The following KAZN variants were observed in gnomAD, a reference collection of about 807,000 sequenced individuals.
KAZN encodes the protein kazrin, periplakin interacting protein, also known as kazrin.
A neutral mutation model predicts 87.4 loss-of-function variants in KAZN; 40 were observed. The observed-to-expected ratio is 0.46, with a 90% CI of 0.36 to 0.60. The LOEUF (loss-of-function observed/expected upper bound fraction) is 0.60. KAZN is among the 20% of genes least tolerant of loss of function. The pLI is 0.00. For missense variants in KAZN, 898 were observed against 1,073.9 expected (o/e 0.84, Z 2.29); for synonymous variants, 466 against 458.3 (o/e 1.02, Z -0.22).
chr1:14,953,771 T>C (rs1287741147), intron 1 of KAZN, among the ~76,000 whole-genome samples: 1 of 152,160 alleles, frequency 6.6e-6, no homozygotes, highest in African/African-American at 2.4e-5. Flanking sequence ...AAAAGGTGGC[T>C]GCTGTAGCTC....
At chr1:14,824,415 T>TA (rs1047941967) in intron 1 of KAZN, among the ~76,000 whole-genome samples, 9 of 152,226 alleles carry the variant, frequency 5.9e-5, no homozygotes, top group Admixed American at 5.9e-4. Context: ...ATTTAAGAAA[T>TA]GATAACCAAT....
intron 2 of KAZN, among the ~76,000 whole-genome samples, chr1:14,529,792 GCCC>G (rs1672112539): frequency 6.6e-6 from 1 of 152,224 alleles, no homozygotes; most frequent in East Asian, 1.9e-4. Context: ...GGCATTGCAA[GCCC>G]TGTTGGAGAC....
In KAZN at chr1:14,528,051, G is replaced by C. The variant is rs200244465; in HGVS notation, c.250-70932G>C. Among the ~76,000 whole-genome samples the C allele has an allele frequency of 5.2e-5, 7 of 135,676 alleles. No individual in the cohort carries two copies. The South Asian group carries it at 7.3e-4, about 14-fold the overall frequency. 89.0% of individuals were successfully genotyped at this position (135,676 alleles called of 152,430 possible). ...TCTATCTATCTATCTATCTATCTAT[G>C]TACCTACCTACCTATCTATCTTCCT... On this transcript the variant is annotated intron_variant, in intron 2 of 16. Coordinates refer to the KAZN transcript ENST00000636203.
chr1:14,430,047 A>G (rs996739119), intron 2 of KAZN, among the ~76,000 whole-genome samples: 2 of 151,940 alleles, frequency 1.3e-5, no homozygotes, highest in Non-Finnish European at 2.9e-5. Context: ...CTCCAACTCC[A>G]GGGCCTTTGC....
intron 1 of KAZN, among the ~76,000 whole-genome samples, chr1:14,030,542 G>T (rs565575963): frequency 1.3e-5 from 2 of 151,452 alleles, no homozygotes; most frequent in South Asian, 2.1e-4. Flanking sequence ...TAACTAACCC[G>T]CACAATGTGC....
intron 1 of KAZN, among the ~76,000 whole-genome samples, chr1:14,805,791 A>C (rs12561791): frequency 0.24 from 35,954 of 147,156 alleles, 5,226 homozygotes; most frequent in African/African-American, 0.4. Flanking sequence ...AATAATAATA[A>C]TAATAATAAT....
chr1:14,990,914 G>C (rs760861786), intron 2 of KAZN, among the ~76,000 whole-genome samples: 3 of 151,014 alleles, frequency 2.0e-5, no homozygotes, highest in Admixed American at 1.3e-4. Context: ...TGGATCAGGG[G>C]AAATGTAGCC....
intron 1 of KAZN, among the ~76,000 whole-genome samples, chr1:14,957,377 T>G (rs1464765104): frequency 1.3e-5 from 2 of 152,158 alleles, no homozygotes; most frequent in Non-Finnish European, 2.9e-5. Context: ...CTCTCCATGT[T>G]GGGTGGATGG....
chr1:15,089,993 AT>A (rs1282764577), intron 8 of KAZN, among the ~76,000 whole-genome samples: 1 of 152,126 alleles, frequency 6.6e-6, no homozygotes, highest in Non-Finnish European at 1.5e-5. Flanking sequence ...CTCCTTCGTG[AT>A]TTCCCGGCTC....
At chr1:14,294,166 T>C (rs939673072) in intron 2 of KAZN, among the ~76,000 whole-genome samples, 1 of 152,184 alleles carries the variant, frequency 6.6e-6, no homozygotes, top group African/African-American at 2.4e-5. Flanking sequence ...CCGTGCATTC[T>C]GAGCCCAGGG....
At chr1:13,907,525 TG>T (rs904888678) in intron 1 of KAZN, among the ~76,000 whole-genome samples, 17 of 132,696 alleles carry the variant, frequency 1.3e-4, no homozygotes, top group South Asian at 2.6e-4. Context: ...TGGGTGGGAA[TG>T]GGGGGTCTTG....
intron 1 of KAZN, among the ~76,000 whole-genome samples, chr1:14,707,488 T>G (rs1262541398): frequency 6.6e-6 from 1 of 152,156 alleles, no homozygotes; most frequent in Non-Finnish European, 1.5e-5. Context: ...TCTTAAAAGG[T>G]CTCTTTCTGG....
intron 6 of KAZN, chr1:15,061,510 T>C (rs1638793973): frequency 6.6e-6 from 1 of 152,098 alleles, no homozygotes; most frequent in African/African-American, 2.4e-5. Context: ...TTTTTTATTG[T>C]TTTATTTTAT....
At chr1:14,740,533 C>T (rs1226754102) in intron 1 of KAZN, among the ~76,000 whole-genome samples, 3 of 152,236 alleles carry the variant, frequency 2.0e-5, no homozygotes, top group African/African-American at 7.2e-5. Context: ...TCCATCCTAT[C>T]CTCTGCCTCC....
intron 2 of KAZN, among the ~76,000 whole-genome samples, chr1:14,203,730 A>G (rs745338398): frequency 7.2e-5 from 11 of 152,254 alleles, no homozygotes; most frequent in Non-Finnish European, 1.5e-4. Flanking sequence ...TTTAGAAACC[A>G]TCATTTCATT....
chr1:14,568,981 C>A (rs1359262053), intron 2 of KAZN, among the ~76,000 whole-genome samples: 2 of 152,164 alleles, frequency 1.3e-5, no homozygotes, highest in Non-Finnish European at 2.9e-5. Context: ...CCCCAGCACT[C>A]CATTCGGTTG....
At chr1:13,963,539 G>A (rs924551847) in intron 1 of KAZN, among the ~76,000 whole-genome samples, 1 of 152,134 alleles carries the variant, frequency 6.6e-6, no homozygotes, top group Non-Finnish European at 1.5e-5. Context: ...AGAAGATATT[G>A]CTTTAATTAT....
chr1:14,527,496 CT>C (rs1436725850), intron 2 of KAZN, among the ~76,000 whole-genome samples: 1 of 148,284 alleles, frequency 6.7e-6, no homozygotes, highest in Non-Finnish European at 1.5e-5. Context: ...TTGCAGTGAG[CT>C]GAGACCATGC....
chr1:14,353,539 A>G (rs1658741754), intron 2 of KAZN, among the ~76,000 whole-genome samples: 1 of 152,144 alleles, frequency 6.6e-6, no homozygotes, highest in African/African-American at 2.4e-5. Context: ...TCTATGTAGA[A>G]AACTTGAAGG....
Sources: gnomAD v4.1 joint callset for allele counts (sites outside exome capture counted in the v4.1 genomes callset) on GRCh38, gnomAD v4.1.1 for gene constraint, MANE v1.5 for transcripts, NCBI Gene and HGNC (gene_info 2026-07-23, HGNC 2026-07-21) for gene names.